Variants in BCAS3 observed in about 807,000 individuals in gnomAD.
The protein encoded by BCAS3 is BCAS3 microtubule associated cell migration factor, also known as BCAS4/BCAS3 fusion.
Under a neutral mutation model 116.1 loss-of-function variants are expected in BCAS3, and 53 were observed. The observed-to-expected ratio is 0.46, with a 90% CI of 0.37 to 0.57. The LOEUF (loss-of-function observed/expected upper bound fraction) is 0.57, where lower values mean the gene tolerates loss of function less well. Among genes scored for constraint, BCAS3 ranks in the 20% least tolerant of loss-of-function variants. The pLI is 0.00. For missense variants in BCAS3, 917 were observed against 1,165.4 expected, an observed-to-expected ratio of 0.79 and a Z score of 3.10; for synonymous variants, 391 against 408.2, an observed-to-expected ratio of 0.96 and a Z score of 0.51.
chr17:60,699,213 T>G (rs2036057079), intron 4 of BCAS3, among the ~76,000 whole-genome samples: 1 of 149,114 alleles, frequency 6.7e-6, no homozygotes, highest in East Asian at 1.9e-4. Context: ...ATTTATTTAT[T>G]TACTTATTTA....
At chr17:61,070,365 G>GAATA (rs1555698431) in intron 19 of BCAS3, 4 of 318,802 alleles carry the variant, frequency 1.3e-5, no homozygotes, top group Non-Finnish European at 1.2e-5. Context: ...GCCTAATTCT[G>GAATA]AATATATATA....
chr17:60,736,932 CCCTTCCTT>C (rs373354139), intron 5 of BCAS3, among the ~76,000 whole-genome samples: 2 of 133,274 alleles, frequency 1.5e-5, no homozygotes, highest in Non-Finnish European at 3.1e-5. Flanking sequence ...CTTCCTCCCT[CCCTTCCTT>C]CCTTCCTTCC....
At chr17:60,771,100 G>T (rs56876892) in intron 6 of BCAS3, among the ~76,000 whole-genome samples, 1 of 151,804 alleles carries the variant, frequency 6.6e-6, no homozygotes, top group Non-Finnish European at 1.5e-5. Context: ...AAACCACCAC[G>T]CCCAGCCCCC....
chr17:60,897,079 A>G (rs2145038703), intron 10 of BCAS3, among the ~76,000 whole-genome samples: 1 of 152,230 alleles, frequency 6.6e-6, no homozygotes, highest in Non-Finnish European at 1.5e-5. Flanking sequence ...TACTTTGAGC[A>G]TGTCTTGTAG....
intron 6 of BCAS3, among the ~76,000 whole-genome samples, chr17:60,782,561 G>GTTA (rs59139545): frequency 0.14 from 19,273 of 142,328 alleles, 1,455 homozygotes; most frequent in African/African-American, 0.18. Context: ...GTCTTTATAA[G>GTTA]TTATTATTAT....
At chr17:61,206,303 G>A (rs2081118309) in intron 22 of BCAS3, among the ~76,000 whole-genome samples, 1 of 152,126 alleles carries the variant, frequency 6.6e-6, no homozygotes, top group Non-Finnish European at 1.5e-5. Flanking sequence ...TGCGTTCATC[G>A]TGTCTGCAGT....
At chr17:60,939,029 T>C (rs1458773782) in intron 13 of BCAS3, among the ~76,000 whole-genome samples, 5 of 152,182 alleles carry the variant, frequency 3.3e-5, no homozygotes, top group Admixed American at 6.6e-5. Flanking sequence ...ATATTTAATA[T>C]ATGACCCTGC....
At chr17:60,784,046 G>A (rs1351540683) in intron 6 of BCAS3, among the ~76,000 whole-genome samples, 3 of 151,964 alleles carry the variant, frequency 2.0e-5, no homozygotes, top group Non-Finnish European at 4.4e-5. Context: ...ACTGCTGCCA[G>A]GAAAGTATCT....
rs2057710616 is a variant in BCAS3 at position 61,349,594 on chromosome 17, T to C, written c.2426-18733T>C. On this transcript the variant is annotated intron_variant, in intron 22 of 23. Coordinates refer to ENST00000407086, the MANE Select transcript of BCAS3 (RefSeq NM_017679.5). The surrounding 1 kb of genome is among the most constrained non-coding windows in gnomAD (Gnocchi z 4.7). ...TTGCCTACTCCATTTTGTGGAATAA[T>C]GGACCTGACTGTAATCCAACATGTT... Among the ~76,000 whole-genome samples the C allele has an allele frequency of 6.6e-6, 1 of 152,236 alleles. No individual in the cohort carries two copies. Among genetic ancestry groups the C allele is most frequent in the African/African-American group, 2.4e-5 (1 of 41,454 alleles).
rs1035679748 is a variant in BCAS3 at position 61,356,543 on chromosome 17, C to A, written c.2426-11784C>A. ...CTACACTGATGACTGATCTCTTGGGCTCACAGCCCTGCTCAATGACCTCAT... is the reference window on the plus strand; with the variant it reads ...CTACACTGATGACTGATCTCTTGGGATCACAGCCCTGCTCAATGACCTCAT... On this transcript the variant is annotated intron_variant, in intron 22 of 23. Coordinates refer to ENST00000407086, the MANE Select transcript of BCAS3 (RefSeq NM_017679.5). The surrounding 1 kb of genome is among the most constrained non-coding windows in gnomAD (Gnocchi z 5.4). 6.6e-6 allele frequency among the ~76,000 whole-genome samples: 1 copy of A among 152,186 alleles called. No homozygotes were observed. The highest frequency in any genetic ancestry group is 1.5e-5 in the Non-Finnish European group (1 of 68,036).
At position 60,995,366 on chromosome 17, in the gene BCAS3, T is replaced by C. The variant is rs1005143003; in HGVS notation, c.1486+5131T>C. Among the ~76,000 whole-genome samples, 6 of 152,196 alleles carry C rather than the reference T, an allele frequency of 3.9e-5. No individual in the cohort carries two copies. Among genetic ancestry groups the C allele is most frequent in the Non-Finnish European group, 8.8e-5 (6 of 68,034 alleles). On this transcript the variant is annotated intron_variant, in intron 15 of 23. Transcript: ENST00000407086. This position sits in a 1 kb window ranked among gnomAD's most constrained non-coding sequence, Gnocchi z 4.7. ...CAAGGTTTCACTCTGTTGGCCAGGCTGGTCTTGAACTCCTGACCTCACCGT... is the reference window on the plus strand; with the variant it reads ...CAAGGTTTCACTCTGTTGGCCAGGCCGGTCTTGAACTCCTGACCTCACCGT...
At chr17:61,089,493 G>A (rs1304949757) in intron 22 of BCAS3, among the ~76,000 whole-genome samples, 1 of 99,320 alleles carries the variant, frequency 1.0e-5, no homozygotes, top group Non-Finnish European at 2.0e-5. Flanking sequence ...TTTTTTCTTC[G>A]AGACGGAGTT....
chr17:61,359,034 G>T (rs1004683765), intron 22 of BCAS3, among the ~76,000 whole-genome samples: 1 of 152,108 alleles, frequency 6.6e-6, no homozygotes, highest in Admixed American at 6.5e-5. Context: ...AGAGAAAGTG[G>T]GGTGCACATA....
At chr17:61,350,282 G>A (rs75073226) in intron 22 of BCAS3, among the ~76,000 whole-genome samples, 15,778 of 151,806 alleles carry the variant, frequency 0.1, 1,093 homozygotes, top group African/African-American at 0.19. Flanking sequence ...GGGTATGGTG[G>A]CACACACCTG....
rs1600489523 is a variant in BCAS3 at position 61,015,849 on chromosome 17, C to T, written c.1585C>T (p.Leu529Phe). The change falls in exon 16 of 24, where the codon CTT (leucine) becomes TTT (phenylalanine). Residue 529 changes from leucine to phenylalanine, a missense_variant. This residue lies in a region of BCAS3 where 807 missense variants were observed against 1,026.0 expected (regional missense o/e 0.79). Coordinates refer to ENST00000407086, the MANE Select transcript of BCAS3 (RefSeq NM_017679.5). ...TCCCAGCTTGATGGTAGTGATGCCT[C>T]TTGCACAAATCAAGCAGCCAATGAC... ...PLPSLMVVMP[L>F]AQIKQPMTLG... The T allele has an allele frequency of 1.2e-6, 2 of 1,614,124 alleles. No homozygotes were observed. Among genetic ancestry groups the T allele is most frequent in the Middle Eastern group, 1.7e-4 (1 of 6,058 alleles).
At chr17:61,045,965 A>ATTT (rs1491214348) in intron 19 of BCAS3, among the ~76,000 whole-genome samples, 2 of 10,630 alleles carry the variant, frequency 1.9e-4, no homozygotes, top group Non-Finnish European at 2.4e-4. Context: ...ATATATATAT[A>ATTT]ATATATATAT....
intron 22 of BCAS3, among the ~76,000 whole-genome samples, chr17:61,121,804 C>T (rs1446648882): frequency 6.6e-6 from 1 of 152,188 alleles, no homozygotes; most frequent in African/African-American, 2.4e-5. Flanking sequence ...GATCTCAGCT[C>T]ACTGCAATTT....
chr17:60,862,773 C>A (rs369923844), intron 7 of BCAS3, among the ~76,000 whole-genome samples: 14 of 152,270 alleles, frequency 9.2e-5, no homozygotes, highest in African/African-American at 3.1e-4. Context: ...GTAGCTGAGA[C>A]TACAGGTGCA....
intron 5 of BCAS3, among the ~76,000 whole-genome samples, chr17:60,710,273 T>C (rs750190528): frequency 3.3e-5 from 5 of 152,194 alleles, no homozygotes; most frequent in Non-Finnish European, 5.9e-5. Flanking sequence ...TTTTTCTCTT[T>C]TTCTTTTGGG....
Sources: allele counts gnomAD v4.1 joint callset (sites outside exome capture counted in the v4.1 genomes callset), GRCh38; gene constraint gnomAD v4.1.1; regional missense constraint gnomAD v4.1.1; non-coding constraint Gnocchi (gnomAD v3.1); transcripts MANE v1.5; gene names NCBI Gene and HGNC (gene_info 2026-07-23, HGNC 2026-07-21).